CYLC1: variants seen among roughly 807,000 people sequenced by gnomAD.
The protein encoded by CYLC1 is cylicin 1, also known as cylicin-1.
CYLC1 carries 2 observed loss-of-function variants against 31.6 expected under a neutral mutation model. That is an observed-to-expected ratio of 0.06 (90% CI 0.03 to 0.20). CYLC1 has a LOEUF of 0.20. Ranked by LOEUF, CYLC1 falls within the 10% of genes least tolerant of loss-of-function variation. The pLI is 1.00. For missense variants in CYLC1, 595 were observed against 424.1 expected (o/e 1.40, Z -3.54); for synonymous variants, 185 against 153.0 (o/e 1.21, Z -1.54).
chrX:83,862,387 A>T (rs1602298771), intron 1 of CYLC1, among the ~76,000 whole-genome samples: 2 of 107,352 alleles, frequency 1.9e-5, no homozygotes, highest in South Asian at 4.2e-4. Context: ...AAAAAAAAAA[A>T]AAAAAATCAG....
At chrX:83,866,905 A>C (rs1182379241) in intron 1 of CYLC1, among the ~76,000 whole-genome samples, 1 of 111,434 alleles carries the variant, frequency 9.0e-6, no homozygotes, top group Non-Finnish European at 1.9e-5. Context: ...TTCCTTAATT[A>C]TATTTATTTT....
chrX:83,879,525 A>G (rs1015452739), intron 4 of CYLC1, among the ~76,000 whole-genome samples: 12 of 112,115 alleles, frequency 1.1e-4, no homozygotes, highest in Non-Finnish European at 3.8e-5. Context: ...TTGCTTGTGA[A>G]AACACACACA....
At chrX:83,877,717 A>C (rs374680092) in intron 4 of CYLC1, among the ~76,000 whole-genome samples, 90 of 103,495 alleles carry the variant, frequency 8.7e-4, no homozygotes, top group South Asian at 7.7e-3. Context: ...TTACCCTCTC[A>C]TCCACCACTA....
intron 1 of CYLC1, among the ~76,000 whole-genome samples, chrX:83,867,579 T>G (rs1602300907): frequency 9.0e-6 from 1 of 111,585 alleles, no homozygotes; most frequent in African/African-American, 3.2e-5. Context: ...GGGGAAAATC[T>G]ATTTCTTTGC....
chrX:83,884,745 A>AT lies in CYLC1; in HGVS notation c.1924-1799dup, dbSNP rs775433195. ...TTAAATTGCATGCACTTTGCTAACA[A>AT]TTTTTTTTCCTATTTTTTAACTGTG... On this transcript the variant is annotated intron_variant, in intron 4 of 4. Transcript: ENST00000329312. Among the ~76,000 whole-genome samples, 5 of 110,989 alleles carry AT rather than the reference A, an allele frequency of 4.5e-5. No homozygotes were observed. In the South Asian group the frequency reaches 1.1e-3, roughly 25 times the overall value.
At chrX:83,875,873 G>C (rs995168658) in intron 4 of CYLC1, among the ~76,000 whole-genome samples, 1 of 110,266 alleles carries the variant, frequency 9.1e-6, no homozygotes, top group African/African-American at 3.3e-5. Context: ...AAGCATCGTA[G>C]GACTGCTGCC....
At position 83,871,443 on chromosome X, in the gene CYLC1, C is replaced by T; in HGVS notation, c.59-9C>T. The T allele has an allele frequency of 8.5e-7, 1 of 1,169,917 alleles. No homozygotes were observed. The highest frequency in any genetic ancestry group is 1.8e-5 in the African/African-American group (1 of 55,914). On this transcript the variant is annotated splice_polypyrimidine_tract_variant and intron_variant, in intron 2 of 4. Transcript: ENST00000329312. The stretch of plus-strand genomic sequence containing the variant: ...AACTCCAAATTGTTTATTATCCTTT[C>T]TCATTTAGTCAGTGAATCAAGCAGA...
At chrX:83,872,788 T>G in intron 3 of CYLC1, 98 bp from the exon 4 acceptor site, 2 of 698,745 alleles carry the variant, frequency 2.9e-6, no homozygotes, top group Non-Finnish European at 2.0e-6. Context: ...AAACTAAGTT[T>G]AAATAGATGG....
chrX:83,861,861 A>T (rs2031512228), intron 1 of CYLC1, among the ~76,000 whole-genome samples: 1 of 111,316 alleles, frequency 9.0e-6, no homozygotes, highest in African/African-American at 3.3e-5. Flanking sequence ...TATTAAATTG[A>T]ACTATATGAG....
intron 1 of CYLC1, among the ~76,000 whole-genome samples, chrX:83,866,380 C>T (rs1397289318): frequency 1.8e-5 from 2 of 111,466 alleles, no homozygotes; most frequent in Non-Finnish European, 3.8e-5. Flanking sequence ...TACCTTGGCC[C>T]ATGGCTCCAC....
intron 4 of CYLC1, among the ~76,000 whole-genome samples, chrX:83,876,056 AT>A (rs2031753368): frequency 9.0e-6 from 1 of 110,891 alleles, no homozygotes; most frequent in Admixed American, 9.7e-5. Context: ...AGAGAGATCT[AT>A]TTTATCTTAT....
chrX:83,877,205 T>G (rs1057017130), intron 4 of CYLC1, among the ~76,000 whole-genome samples: 1 of 111,155 alleles, frequency 9.0e-6, no homozygotes, highest in African/African-American at 3.3e-5. Context: ...TTGTTTACTC[T>G]ACCTCCAAAA....
rs2031704599 is a variant in CYLC1 at position 83,873,450 on chromosome X, C to T, written c.742C>T (p.Leu248Phe). ...CSENSLNVDF[L>F]MLVGQSDDES... ...AGAAAATAGTTTAAATGTTGATTTC[C>T]TCATGTTAGTGGGACAGTCTGATGA... Residue 248 changes from leucine (L) to phenylalanine (F), a missense_variant, in exon 4 of 5, where the codon CTC (leucine) becomes TTC (phenylalanine). Coordinates refer to ENST00000329312, the MANE Select transcript of CYLC1 (RefSeq NM_021118.3). 8.3e-7 allele frequency: 1 copy of T among 1,201,027 alleles called. No homozygotes were observed. Among genetic ancestry groups the T allele is most frequent in the Non-Finnish European group, 1.1e-6 (1 of 890,099 alleles).
Position 83,869,880 on chromosome X carries a change from C to A in CYLC1, c.33C>A (p.Ile11=). The change falls in exon 2 of 5, where the codon ATC becomes ATA. Residue 11 remains isoleucine (I), a synonymous_variant. Transcript: ENST00000329312. ...CTTTTAATAGGCTAAAAGTAAACATCAGAACATATGATAATTCCATTCCAA... is the reference window on the plus strand; with the variant it reads ...CTTTTAATAGGCTAAAAGTAAACATAAGAACATATGATAATTCCATTCCAA... MSLPRLLKVN[I]RTYDNSIPIS... The A allele has an allele frequency of 2.4e-6, 2 of 826,857 alleles. No individual in the cohort carries two copies. Among genetic ancestry groups the A allele is most frequent in the South Asian group, 3.7e-5 (1 of 26,859 alleles). The allele number at this position is 826,857 out of a possible 1,213,427, so 68.1% of individuals were successfully genotyped here.
intron 4 of CYLC1, among the ~76,000 whole-genome samples, chrX:83,878,009 TATATATAA>T (rs1158910674): frequency 4.3e-4 from 29 of 67,642 alleles, no homozygotes; most frequent in African/African-American, 1.2e-3. Flanking sequence ...TATATAAATA[TATATATAA>T]AAATATATAT....
intron 4 of CYLC1, 104 bp from the exon 5 acceptor site, chrX:83,886,448 G>A (rs1480311218): frequency 4.0e-6 from 3 of 744,996 alleles, no homozygotes; most frequent in Non-Finnish European, 6.0e-6. Flanking sequence ...TTTCAACTAT[G>A]ACAGTCTGTG....
chrX:83,862,542 CA>C (rs1397587459), intron 1 of CYLC1, among the ~76,000 whole-genome samples: 1 of 106,412 alleles, frequency 9.4e-6, no homozygotes, highest in African/African-American at 3.4e-5. Flanking sequence ...GACTCCGTCT[CA>C]AAAAAAAAGA....
chrX:83,866,186 T>C (rs2031590065), intron 1 of CYLC1, among the ~76,000 whole-genome samples: 1 of 111,634 alleles, frequency 9.0e-6, no homozygotes, highest in South Asian at 3.7e-4. Flanking sequence ...AAAACACATT[T>C]TCTGCTCCAA....
At chrX:83,864,402 A>G (rs1320937813) in intron 1 of CYLC1, among the ~76,000 whole-genome samples, 1 of 110,855 alleles carries the variant, frequency 9.0e-6, no homozygotes, top group African/African-American at 3.3e-5. Context: ...AACTCCTACC[A>G]CTTAAAAATC....
Sources: gnomAD v4.1 joint callset for allele counts (sites outside exome capture counted in the v4.1 genomes callset) on GRCh38, gnomAD v4.1.1 for gene constraint, MANE v1.5 for transcripts, NCBI Gene and HGNC (gene_info 2026-07-23, HGNC 2026-07-21) for gene names.